ERP27: variants seen among roughly 807,000 people sequenced by gnomAD.
ERP27 encodes the protein endoplasmic reticulum protein 27, also known as endoplasmic reticulum resident protein 27.
In ERP27, 23 loss-of-function variants were observed where a neutral mutation model predicts 27.7. The observed-to-expected ratio is 0.83, with a 90% CI of 0.60 to 1.18. The LOEUF (loss-of-function observed/expected upper bound fraction) is 1.18. Among genes scored for constraint, ERP27 ranks in the 50% most tolerant of loss-of-function variants. The probability of loss-of-function intolerance (pLI) is 0.00; values close to 1 mark genes in which losing one functional copy is unlikely to be tolerated. For missense variants in ERP27, 363 were observed against 327.9 expected (o/e 1.11, Z -0.83); for synonymous variants, 159 against 118.3 (o/e 1.34, Z -2.23).
chr12:14,932,400 C>A (rs1392891237), intron 3 of ERP27, among the ~76,000 whole-genome samples: 1 of 151,782 alleles, frequency 6.6e-6, no homozygotes, highest in Non-Finnish European at 1.5e-5. Context: ...TGAAAGGGGA[C>A]CCTTGGCGGG....
chr12:14,924,683 C>T (rs1472245685), intron 3 of ERP27, among the ~76,000 whole-genome samples: 1 of 152,146 alleles, frequency 6.6e-6, no homozygotes, highest in African/African-American at 2.4e-5. Context: ...ATGAGCCTAT[C>T]GCTGTCAGAG....
intron 3 of ERP27, among the ~76,000 whole-genome samples, chr12:14,929,365 C>T (rs961021776): frequency 2.0e-5 from 3 of 152,144 alleles, no homozygotes; most frequent in African/African-American, 4.8e-5. Flanking sequence ...AAAACATGCC[C>T]GATCTTTCAT....
intron 3 of ERP27, among the ~76,000 whole-genome samples, chr12:14,928,686 C>A (rs1005920745): frequency 2.6e-5 from 4 of 151,986 alleles, no homozygotes; most frequent in African/African-American, 9.7e-5. Context: ...TGAAACAAAT[C>A]AAAACCACAG....
intron 2 of ERP27, among the ~76,000 whole-genome samples, chr12:14,936,338 A>T (rs183850563): frequency 4.7e-4 from 71 of 152,236 alleles, no homozygotes; most frequent in Non-Finnish European, 8.7e-4. Flanking sequence ...CACGCATTCA[A>T]CTCTGCAGCC....
intron 3 of ERP27, among the ~76,000 whole-genome samples, chr12:14,934,053 A>G (rs1031189974): frequency 6.6e-6 from 1 of 152,220 alleles, no homozygotes; most frequent in Non-Finnish European, 1.5e-5. Context: ...CAAACTCATT[A>G]AAGTGGTATT....
rs561996350 is a variant in ERP27 at position 14,934,726 on chromosome 12, T to C, written c.333+130A>G. 3.3e-4 allele frequency: 378 copies of C among 1,152,330 alleles called. 1 individual carries two copies. Among genetic ancestry groups the C allele is most frequent in the Middle Eastern group, 8.9e-4 (3 of 3,354 alleles). The allele number at this position is 1,152,330 out of a possible 1,614,324, so 71.4% of individuals were successfully genotyped here. A position where few individuals can be genotyped will look rare whatever the true frequency, so the allele number is the denominator to read the frequency against. On this transcript the variant is annotated intron_variant, in intron 3 of 6. Transcript: ENST00000266397. ...AGCTTGAATTGAGTCATCATCCTTG[T>C]CAACAATGTCCCTGAATTTGGTACC...
chr12:14,921,569 G>A (rs1863504629), intron 3 of ERP27, among the ~76,000 whole-genome samples: 1 of 152,172 alleles, frequency 6.6e-6, no homozygotes, highest in Admixed American at 6.5e-5. Context: ...TGAGGGCAAG[G>A]GGGGTCATTG....
chr12:14,935,736 T>C (rs1469548575), intron 2 of ERP27, among the ~76,000 whole-genome samples: 2 of 152,170 alleles, frequency 1.3e-5, no homozygotes, highest in African/African-American at 2.4e-5. Flanking sequence ...GTACTTTGTT[T>C]ATTTATTTTG....
At chr12:14,920,906 G>A in intron 4 of ERP27, 26 bp downstream of exon 4, 4 of 1,574,348 alleles carry the variant, frequency 2.5e-6, no homozygotes, top group Non-Finnish European at 2.6e-6. Flanking sequence ...GGTCTGAAGG[G>A]ACTAAGAACA....
chr12:14,924,236 A>C (rs2120579301), intron 3 of ERP27, among the ~76,000 whole-genome samples: 1 of 152,246 alleles, frequency 6.6e-6, no homozygotes, highest in Non-Finnish European at 1.5e-5. Flanking sequence ...AATAGTGTCC[A>C]TTGTATATAT....
At chr12:14,919,846 C>G (rs1056474460) in intron 4 of ERP27, among the ~76,000 whole-genome samples, 1 of 152,158 alleles carries the variant, frequency 6.6e-6, no homozygotes, top group South Asian at 2.1e-4. Context: ...TTAAATTATG[C>G]CTTTTCTATT....
At position 14,937,993 on chromosome 12, in the gene ERP27, A is replaced by G. The variant is rs35030722; in HGVS notation, c.154T>C (p.Phe52Leu). 2.2e-3 allele frequency: 3,559 copies of G among 1,614,070 alleles called. 62 individuals carry two copies. The African/African-American group carries it at 0.04, about 18-fold the overall frequency. The change falls in exon 2 of 7, where the codon TTC becomes CTC. Residue 52 changes from phenylalanine to leucine, a missense_variant. Coordinates refer to ENST00000266397, the MANE Select transcript of ERP27 (RefSeq NM_152321.4). Reference sequence around the variant, plus strand: ...ACAGCCACCTCAGTGGCAGCAATGAATTCCATGGCAGCTGGGACATCTGTG... The same window carrying G: ...ACAGCCACCTCAGTGGCAGCAATGAGTTCCATGGCAGCTGGGACATCTGTG... ...WLTDVPAAME[F>L]IAATEVAVIG...
chr12:14,914,578 G>A lies in ERP27; in HGVS notation c.*157C>T, dbSNP rs967840445. The A allele has an allele frequency of 1.5e-5, 7 of 468,036 alleles. No individual in the cohort carries two copies. The highest frequency in any genetic ancestry group is 5.4e-5 in the Admixed American group (1 of 18,664). The allele number at this position is 468,036 out of a possible 1,614,324, so 29.0% of individuals were successfully genotyped here. A position where few individuals can be genotyped will look rare whatever the true frequency, so the allele number is the denominator to read the frequency against. On this transcript the variant is annotated 3_prime_UTR_variant, in exon 7 of 7. Coordinates refer to ENST00000266397, the MANE Select transcript of ERP27 (RefSeq NM_152321.4). ...AAGCTCTGTGTGTGTGTGTGTGTGT[G>A]CGTGTGTGTGTGCACGCGTGCGTGC...
rs758889388 is a variant in ERP27 at position 14,914,372 on chromosome 12, C to A, written c.*363G>T. The A allele has an allele frequency of 8.9e-6, 2 of 223,822 alleles. No individual in the cohort carries two copies. Among genetic ancestry groups the A allele is most frequent in the Non-Finnish European group, 1.7e-5 (2 of 114,332 alleles). 13.9% of individuals were successfully genotyped at this position (223,822 alleles called of 1,614,324 possible). ...TAAATGACAAATTGGAACAATCTTT[C>A]TCTAGGAATGCCTCTCTTTCATAGA... On this transcript the variant is annotated 3_prime_UTR_variant, in exon 7 of 7. Transcript: ENST00000266397.
In ERP27 at chr12:14,938,428, A is replaced by T; in HGVS notation, c.81T>A (p.Val27=). The change falls in exon 1 of 7, where the codon GTT becomes GTA. Residue 27 remains valine (V), a synonymous_variant. Transcript: ENST00000266397. ...CELAAEVAAE[V]EKSSDGPGAA... ...TTTTTCTTTTACCTGAGGATTTCTCAACTTCTGCAGCAACTTCTGCAGCCA... is the reference window on the plus strand; with the variant it reads ...TTTTTCTTTTACCTGAGGATTTCTCTACTTCTGCAGCAACTTCTGCAGCCA... 6.2e-7 allele frequency: 1 copy of T among 1,614,106 alleles called. No individual in the cohort carries two copies. The highest frequency in any genetic ancestry group is 1.1e-5 in the South Asian group (1 of 91,074).
At chr12:14,933,618 G>A (rs1371593213) in intron 3 of ERP27, among the ~76,000 whole-genome samples, 1 of 152,146 alleles carries the variant, frequency 6.6e-6, no homozygotes, top group Non-Finnish European at 1.5e-5. Context: ...ATTCAGTCCC[G>A]AAATACTGAA....
In ERP27 at chr12:14,937,740, C is replaced by G. The variant is rs750907388; in HGVS notation, c.195+212G>C. On this transcript the variant is annotated intron_variant, in intron 2 of 6. Coordinates refer to ENST00000266397, the MANE Select transcript of ERP27 (RefSeq NM_152321.4). Reference sequence around the variant, plus strand: ...AGATGCAGCCCACAGGCTCAGAACTCTTGAAGTAAGTATGAGAAAGATATA... The same window carrying G: ...AGATGCAGCCCACAGGCTCAGAACTGTTGAAGTAAGTATGAGAAAGATATA... Among the ~76,000 whole-genome samples, 9 of 152,310 alleles carry G rather than the reference C, an allele frequency of 5.9e-5. No homozygotes were observed. In the East Asian group the frequency reaches 1.5e-3, roughly 26 times the overall value.
chr12:14,936,772 G>A (rs1223746984), intron 2 of ERP27, among the ~76,000 whole-genome samples: 1 of 152,032 alleles, frequency 6.6e-6, no homozygotes, highest in East Asian at 1.9e-4. Flanking sequence ...CTGTGAAGAG[G>A]TTCCTTCTGC....
Position 14,914,062 on chromosome 12 carries a change from T to C in ERP27, c.*673A>G, listed in dbSNP as rs1863366666. On this transcript the variant is annotated 3_prime_UTR_variant, in exon 7 of 7. Coordinates refer to ENST00000266397, the MANE Select transcript of ERP27 (RefSeq NM_152321.4). ...TCTCCTATAACATGATTGCCTTTTATTTATTATGCAGGTTGTTGATTTACA... is the reference window on the plus strand; with the variant it reads ...TCTCCTATAACATGATTGCCTTTTACTTATTATGCAGGTTGTTGATTTACA... 6.6e-6 allele frequency: 1 copy of C among 152,252 alleles called. No homozygotes were observed. The highest frequency in any genetic ancestry group is 1.5e-5 in the Non-Finnish European group (1 of 68,056). The allele number at this position is 152,252 out of a possible 1,614,324, so 9.4% of individuals were successfully genotyped here.
Sources: allele counts gnomAD v4.1 joint callset (sites outside exome capture counted in the v4.1 genomes callset), GRCh38; gene constraint gnomAD v4.1.1; transcripts MANE v1.5; gene names NCBI Gene and HGNC (gene_info 2026-07-23, HGNC 2026-07-21).